TTBK2: variants seen among roughly 807,000 people sequenced by gnomAD.
The protein encoded by TTBK2 is tau tubulin kinase 2.
In TTBK2, 28 loss-of-function variants were observed where a neutral mutation model predicts 110.8. That is an observed-to-expected ratio of 0.25 (90% CI 0.19 to 0.35). TTBK2 has a LOEUF of 0.35. Ranked by LOEUF, TTBK2 falls within the 10% of genes least tolerant of loss-of-function variation. The pLI, the probability that TTBK2 is intolerant of heterozygous loss-of-function variation, is 1.00. For missense variants in TTBK2, 1,369 were observed against 1,500.3 expected (o/e 0.91, Z 1.45); for synonymous variants, 532 against 527.3 (o/e 1.01, Z -0.12).
At chr15:42,899,218 G>A (rs963826548) in intron 1 of TTBK2, among the ~76,000 whole-genome samples, 6 of 151,906 alleles carry the variant, frequency 3.9e-5, no homozygotes, top group Non-Finnish European at 5.9e-5. Context: ...GGCTGGTCTC[G>A]AACTCGTGAG....
intron 13 of TTBK2, among the ~76,000 whole-genome samples, chr15:42,758,910 CT>C (rs1237088469): frequency 6.6e-6 from 1 of 152,184 alleles, no homozygotes; most frequent in African/African-American, 2.4e-5. Flanking sequence ...ATTCACACAG[CT>C]GCTTTGCTCC....
At chr15:42,853,822 A>AG (rs1445315018) in intron 3 of TTBK2, among the ~76,000 whole-genome samples, 1 of 152,168 alleles carries the variant, frequency 6.6e-6, no homozygotes, top group African/African-American at 2.4e-5. Context: ...TGGAGGTTGC[A>AG]GGGAGCCGAG....
At chr15:42,880,991 A>G (rs367714539) in intron 1 of TTBK2, among the ~76,000 whole-genome samples, 234 of 152,212 alleles carry the variant, frequency 1.5e-3, no homozygotes, top group African/African-American at 5.5e-3. Flanking sequence ...CACAGAAAAC[A>G]ATTACTTCAG....
At chr15:42,889,047 TC>T (rs2141159240) in intron 1 of TTBK2, among the ~76,000 whole-genome samples, 1 of 152,276 alleles carries the variant, frequency 6.6e-6, no homozygotes, top group African/African-American at 2.4e-5. Context: ...CATAATCTCT[TC>T]CATGTAGGTT....
At chr15:42,816,981 TTTAAGCTA>T (rs1471792373) in intron 7 of TTBK2, 43 bp downstream of exon 7, 10 of 1,234,664 alleles carry the variant, frequency 8.1e-6, no homozygotes, top group Non-Finnish European at 1.1e-5. Context: ...GTCAATCTGA[TTTAAGCTA>T]TTAGCATACT....
intron 1 of TTBK2, among the ~76,000 whole-genome samples, chr15:42,916,820 A>AT (rs909922501): frequency 1.3e-5 from 2 of 152,160 alleles, no homozygotes; most frequent in African/African-American, 4.8e-5. Context: ...CTGCAACTCC[A>AT]TTTTTTTAAA....
At position 42,835,661 on chromosome 15, in the gene TTBK2, G is replaced by A. The variant is rs942883234; in HGVS notation, c.291+4699C>T. Among the ~76,000 whole-genome samples the A allele has an allele frequency of 3.3e-5, 5 of 151,906 alleles. No homozygotes were observed. The South Asian group carries it at 6.2e-4, about 19-fold the overall frequency. On this transcript the variant is annotated intron_variant, in intron 4 of 14. Transcript: ENST00000267890. ...AAAAATATTTATTAAAGAGATGGAC[G>A]ATCATTGAAACTGAAGATTGGTTTG...
At position 42,752,796 on chromosome 15, in the gene TTBK2, G is replaced by A; in HGVS notation, c.2450C>T (p.Ser817Leu). 1 of 1,614,158 alleles carries A rather than the reference G, an allele frequency of 6.2e-7. No individual in the cohort carries two copies. Among genetic ancestry groups the A allele is most frequent in the Non-Finnish European group, 8.5e-7 (1 of 1,180,026 alleles). ...GDLVIVEKDH[S>L]ATTEPLDVTK... Reference sequence around the variant, plus strand: ...CACATCAAGAGGTTCAGTAGTAGCTGAGTGATCCTTTTCCACAATTACCAA... The same window carrying A: ...CACATCAAGAGGTTCAGTAGTAGCTAAGTGATCCTTTTCCACAATTACCAA... The change falls in exon 14 of 15, where the codon TCA (serine) becomes TTA (leucine). Residue 817 changes from serine to leucine, a missense_variant. Around this residue, in one of 4 missense-constraint regions of TTBK2, gnomAD observed 1,097 missense variants for 1,114.7 expected, o/e 0.98. Coordinates refer to ENST00000267890, the MANE Select transcript of TTBK2 (RefSeq NM_173500.4).
intron 13 of TTBK2, among the ~76,000 whole-genome samples, chr15:42,762,878 C>T (rs1437759747): frequency 1.3e-5 from 2 of 150,918 alleles, no homozygotes; most frequent in Non-Finnish European, 1.5e-5. Context: ...AGACAAATAC[C>T]GCATGTTCTC....
chr15:42,776,819 G>A, intron 12 of TTBK2: 3 of 612,648 alleles, frequency 4.9e-6, no homozygotes, highest in South Asian at 2.1e-5. Context: ...CAAAGGACAT[G>A]CTATAGAATT....
At chr15:42,811,809 A>T in intron 7 of TTBK2, 29 bp from the exon 8 acceptor site, 1 of 1,594,940 alleles carries the variant, frequency 6.3e-7, no homozygotes. Flanking sequence ...ATCCAGTCAC[A>T]TAACATTATT....
intron 9 of TTBK2, 114 bp from the exon 10 acceptor site, chr15:42,794,915 A>T: frequency 7.0e-7 from 1 of 1,434,454 alleles, no homozygotes; most frequent in South Asian, 1.2e-5. Flanking sequence ...TTTTCTTTAA[A>T]AACTGATGGC....
chr15:42,766,446 C>CAAAGAAAAAAAAAAAAAAAAAAAA (rs1889377810), intron 13 of TTBK2, among the ~76,000 whole-genome samples: 1 of 30,860 alleles, frequency 3.2e-5, no homozygotes, highest in African/African-American at 3.2e-4. Context: ...GAATGGAAAG[C>CAAAGAAAAAAAAAAAAAAAAAAAA]AAAAAAAAAA....
At position 42,742,600 on chromosome 15, in the gene TTBK2, T is replaced by C. The variant is rs543264507; in HGVS notation, c.*3195A>G. The stretch of plus-strand genomic sequence containing the variant: ...GAGCTGTTGCTAATTCTACCTTCTG[T>C]TCCACTCAAGTACCTCCAGGGACTA... On this transcript the variant is annotated 3_prime_UTR_variant, in exon 15 of 15. Transcript: ENST00000267890. 6.6e-6 allele frequency: 1 copy of C among 152,316 alleles called. No homozygotes were observed. The highest frequency in any genetic ancestry group is 6.5e-5 in the Admixed American group (1 of 15,296). 9.4% of individuals were successfully genotyped at this position (152,316 alleles called of 1,614,324 possible).
chr15:42,837,586 G>A (rs377043177), intron 4 of TTBK2, among the ~76,000 whole-genome samples: 1 of 149,602 alleles, frequency 6.7e-6, no homozygotes, highest in South Asian at 2.1e-4. Context: ...TTGAACCCAG[G>A]AGGTGGAAGT....
In TTBK2 at chr15:42,791,009, G is replaced by A. The variant is rs190567045; in HGVS notation, c.980+3635C>T. 1.2e-4 allele frequency among the ~76,000 whole-genome samples: 18 copies of A among 152,128 alleles called. No homozygotes were observed. The East Asian group carries it at 3.5e-3, about 29-fold the overall frequency. On this transcript the variant is annotated intron_variant, in intron 10 of 14. Coordinates refer to ENST00000267890, the MANE Select transcript of TTBK2 (RefSeq NM_173500.4). ...CGCCATTCTCCCGCCTCAGCCTCCC[G>A]AGTAGCTAGGGCTATAGGCACCTGC...
intron 1 of TTBK2, among the ~76,000 whole-genome samples, chr15:42,906,512 T>C (rs762545312): frequency 2.0e-5 from 3 of 152,180 alleles, no homozygotes; most frequent in East Asian, 1.9e-4. Context: ...TTTCACCATA[T>C]ACAAAAATCA....
intron 10 of TTBK2, among the ~76,000 whole-genome samples, chr15:42,787,938 G>T (rs1293833767): frequency 1.3e-5 from 2 of 151,990 alleles, no homozygotes; most frequent in Admixed American, 1.3e-4. Flanking sequence ...CCTATTACGT[G>T]CCTAGGCTAT....
intron 1 of TTBK2, among the ~76,000 whole-genome samples, chr15:42,888,044 G>A (rs2141156806): frequency 6.6e-6 from 1 of 152,128 alleles, no homozygotes; most frequent in Admixed American, 6.6e-5. Flanking sequence ...TCTTACACAA[G>A]AGCCGGGACT....
Sources: gnomAD v4.1 joint callset for allele counts (sites outside exome capture counted in the v4.1 genomes callset) on GRCh38, gnomAD v4.1.1 for gene constraint, gnomAD v4.1.1 regional missense constraint, MANE v1.5 for transcripts, NCBI Gene and HGNC (gene_info 2026-07-23, HGNC 2026-07-21) for gene names.